Variants in QTMAN observed in about 807,000 individuals in gnomAD.
QTMAN encodes the protein tRNA-queuosine alpha-mannosyltransferase.
the QTMAN span, among the ~76,000 whole-genome samples, chr2:144,180,128 T>C: frequency 6.6e-6 from 1 of 152,142 alleles, no homozygotes; most frequent in East Asian, 1.9e-4. Flanking sequence ...AAACAGGTAA[T>C]CTTAAGGCCA....
the QTMAN span, among the ~76,000 whole-genome samples, chr2:144,075,335 T>A: frequency 3.3e-5 from 5 of 152,252 alleles, no homozygotes; most frequent in African/African-American, 1.2e-4. Context: ...TCACTTTTTC[T>A]GATTACATGA....
chr2:144,014,258 C>T, the QTMAN span, among the ~76,000 whole-genome samples: 1 of 152,164 alleles, frequency 6.6e-6, no homozygotes, highest in Non-Finnish European at 1.5e-5. Context: ...TTTAAATAAA[C>T]TTGAATCACA....
the QTMAN span, among the ~76,000 whole-genome samples, chr2:144,044,556 C>T: frequency 1.4e-4 from 21 of 152,212 alleles, 1 homozygote; most frequent in East Asian, 1.2e-3. Flanking sequence ...CAAAATAGCA[C>T]ACAATTCATC....
At chr2:143,940,197 C>T in the QTMAN span, 3 of 152,302 alleles carry the variant, frequency 2.0e-5, no homozygotes, top group East Asian at 5.8e-4. Context: ...AATGCCTTTC[C>T]TGGCAAGGAC....
the QTMAN span, chr2:144,011,758 T>C: frequency 1.1e-5 from 11 of 984,720 alleles, no homozygotes; most frequent in Non-Finnish European, 1.3e-5. Flanking sequence ...ACTATGCAAA[T>C]AGGCACATGT....
At chr2:144,060,675 T>C in the QTMAN span, among the ~76,000 whole-genome samples, 1 of 152,236 alleles carries the variant, frequency 6.6e-6, no homozygotes, top group Non-Finnish European at 1.5e-5. Context: ...CAGGAGCTAT[T>C]TTGCTAGGCT....
the QTMAN span, among the ~76,000 whole-genome samples, chr2:144,264,513 AAC>A: frequency 6.6e-6 from 1 of 152,236 alleles, no homozygotes; most frequent in African/African-American, 2.4e-5. Flanking sequence ...CATGGATCAA[AAC>A]AGAGATACGA....
At chr2:144,172,466 C>CA in the QTMAN span, among the ~76,000 whole-genome samples, 8 of 150,820 alleles carry the variant, frequency 5.3e-5, no homozygotes, top group African/African-American at 1.2e-4. Context: ...ACTAAAAATA[C>CA]AAAAAAAATT....
the QTMAN span, chr2:144,208,912 ATG>A: frequency 4.9e-6 from 3 of 611,346 alleles, no homozygotes; most frequent in African/African-American, 5.6e-5. Context: ...TAATTTAGCA[ATG>A]TGTTATTTTT....
At chr2:144,171,239 C>T in the QTMAN span, among the ~76,000 whole-genome samples, 5 of 152,096 alleles carry the variant, frequency 3.3e-5, no homozygotes, top group African/African-American at 1.2e-4. Context: ...TATGTCCAAC[C>T]CAATCCTACC....
the QTMAN span, among the ~76,000 whole-genome samples, chr2:144,099,001 T>C: frequency 3.3e-5 from 5 of 152,298 alleles, no homozygotes; most frequent in African/African-American, 1.2e-4. Context: ...GTTGATGCTG[T>C]AGAGTGTTAA....
At chr2:144,014,799 T>C in the QTMAN span, among the ~76,000 whole-genome samples, 1 of 152,368 alleles carries the variant, frequency 6.6e-6, no homozygotes, top group Middle Eastern at 3.4e-3. Context: ...AAGATGGTTC[T>C]ATTTCCAGCA....
chr2:144,172,171 AT>A, the QTMAN span, among the ~76,000 whole-genome samples: 1 of 152,146 alleles, frequency 6.6e-6, no homozygotes, highest in South Asian at 2.1e-4. Flanking sequence ...CAGTATTTAG[AT>A]TTTTTAAAAG....
chr2:144,020,836 G>A, the QTMAN span, among the ~76,000 whole-genome samples: 1 of 151,546 alleles, frequency 6.6e-6, no homozygotes, highest in Non-Finnish European at 1.5e-5. Flanking sequence ...ATCCATGGCA[G>A]AAAAGACAAA....
the QTMAN span, among the ~76,000 whole-genome samples, chr2:143,951,379 G>A: frequency 2.0e-5 from 3 of 151,474 alleles, no homozygotes; most frequent in South Asian, 2.1e-4. Context: ...AGAAGATAAC[G>A]AATGAGGGTA....
the QTMAN span, among the ~76,000 whole-genome samples, chr2:143,988,471 A>G: frequency 1.3e-5 from 2 of 152,248 alleles, no homozygotes; most frequent in African/African-American, 4.8e-5. Context: ...AAGTTGAGTT[A>G]AAGAAACACA....
chr2:144,144,502 AATGATTTT>A, the QTMAN span, among the ~76,000 whole-genome samples: 2 of 151,920 alleles, frequency 1.3e-5, no homozygotes, highest in Non-Finnish European at 2.9e-5. Context: ...TAAAGCACAA[AATGATTTT>A]ATTTTCATTT....
chr2:144,218,490 T>C, the QTMAN span, among the ~76,000 whole-genome samples: 19 of 152,370 alleles, frequency 1.2e-4, no homozygotes, highest in African/African-American at 3.8e-4. Flanking sequence ...CTGGCTTCTA[T>C]GCCAACATTT....
chr2:144,076,668 G>GT, the QTMAN span, among the ~76,000 whole-genome samples: 9 of 152,140 alleles, frequency 5.9e-5, no homozygotes, highest in African/African-American at 2.2e-4. Flanking sequence ...GGAAAAAAGT[G>GT]TATCTTTTTT....
Sources: gnomAD v4.1 joint callset for allele counts (sites outside exome capture counted in the v4.1 genomes callset) on GRCh38, gnomAD v4.1.1 for gene constraint, MANE v1.5 for transcripts, NCBI Gene and HGNC (gene_info 2026-07-23, HGNC 2026-07-21) for gene names.